DPP6: variants seen among roughly 807,000 people sequenced by gnomAD.
The protein encoded by DPP6 is A-type potassium channel modulatory protein DPP6.
In DPP6, 69 loss-of-function variants were observed where a neutral mutation model predicts 122.6. The ratio of observed to expected loss-of-function variants is 0.56; its 90% CI spans 0.46 to 0.69. The LOEUF (loss-of-function observed/expected upper bound fraction) is 0.69, where lower values mean the gene tolerates loss of function less well. Among genes scored for constraint, DPP6 ranks in the 30% least tolerant of loss-of-function variants. DPP6 has a pLI of 0.00. For synonymous variants in DPP6, 418 were observed against 433.1 expected, an observed-to-expected ratio of 0.97 and a Z score of 0.43; for missense variants, 928 against 1,116.9, an observed-to-expected ratio of 0.83 and a Z score of 2.41.
At chr7:153,880,896 C>G in the DPP6 span, among the ~76,000 whole-genome samples, 2 of 152,160 alleles carry the variant, frequency 1.3e-5, no homozygotes, top group African/African-American at 4.8e-5. Context: ...TTCTTTCACT[C>G]TTAGTCTACT....
intron 1 of DPP6, among the ~76,000 whole-genome samples, chr7:154,130,479 GGAA>G (rs1402703323): frequency 6.6e-6 from 1 of 152,152 alleles, no homozygotes; most frequent in Non-Finnish European, 1.5e-5. Flanking sequence ...CACTTAACTT[GGAA>G]GAAGGTCAAA....
chr7:154,180,505 A>T (rs1284117038), intron 1 of DPP6, among the ~76,000 whole-genome samples: 2 of 142,924 alleles, frequency 1.4e-5, no homozygotes, highest in African/African-American at 5.4e-5. Context: ...TAGATATATA[A>T]ATAAATATAT....
intron 1 of DPP6, among the ~76,000 whole-genome samples, chr7:154,292,066 C>T (rs958451473): frequency 2.6e-5 from 4 of 152,010 alleles, no homozygotes; most frequent in Non-Finnish European, 4.4e-5. Context: ...TCCTGGATCT[C>T]GTCAATTTAG....
At chr7:154,350,378 G>A (rs1412681162) in intron 1 of DPP6, among the ~76,000 whole-genome samples, 1 of 152,142 alleles carries the variant, frequency 6.6e-6, no homozygotes, top group Non-Finnish European at 1.5e-5. Context: ...GTGATGCAGT[G>A]GAATCCACAG....
chr7:154,188,245 G>T (rs138392480), intron 1 of DPP6, among the ~76,000 whole-genome samples: 298 of 152,112 alleles, frequency 2.0e-3, no homozygotes, highest in Non-Finnish European at 3.0e-3. Flanking sequence ...AATTAAATGG[G>T]ATATTTTTAT....
the DPP6 span, among the ~76,000 whole-genome samples, chr7:153,780,668 C>T: frequency 3.3e-5 from 5 of 152,114 alleles, no homozygotes; most frequent in East Asian, 9.7e-4. Flanking sequence ...AGTAAATAAC[C>T]CTGAGCATAT....
In DPP6 at chr7:154,260,458, C is replaced by A. The variant is rs150935254; in HGVS notation, c.244-185756C>A. 5.9e-3 allele frequency among the ~76,000 whole-genome samples: 898 copies of A among 152,032 alleles called. 15 individuals are homozygous for A. The highest frequency in any genetic ancestry group is 0.02 in the African/African-American group (818 of 41,436). ...TCCTCACCCCTTTCCACTCTTTCCTCCTGAGTCCCCAAAGTCCGTTGTGCC... is the reference window on the plus strand; with the variant it reads ...TCCTCACCCCTTTCCACTCTTTCCTACTGAGTCCCCAAAGTCCGTTGTGCC... On this transcript the variant is annotated intron_variant, in intron 1 of 25. Coordinates refer to ENST00000377770, the MANE Select transcript of DPP6 (RefSeq NM_130797.4).
At chr7:154,101,034 C>T (rs1365951615) in intron 1 of DPP6, among the ~76,000 whole-genome samples, 1 of 127,412 alleles carries the variant, frequency 7.8e-6, no homozygotes, top group East Asian at 2.8e-4. Flanking sequence ...CCTGTGTTTA[C>T]CTCTTCGGCC....
At chr7:154,181,273 G>T (rs112133094) in intron 1 of DPP6, among the ~76,000 whole-genome samples, 4 of 152,234 alleles carry the variant, frequency 2.6e-5, no homozygotes, top group Non-Finnish European at 4.4e-5. Context: ...TTTTCCACTC[G>T]TAGAAACTGT....
intron 1 of DPP6, among the ~76,000 whole-genome samples, chr7:154,075,002 T>C (rs1192659997): frequency 1.3e-5 from 2 of 150,622 alleles, no homozygotes; most frequent in South Asian, 2.1e-4. Flanking sequence ...AGGACATGAA[T>C]AGAAAATTTT....
intron 1 of DPP6, among the ~76,000 whole-genome samples, chr7:154,417,463 G>C (rs750995885): frequency 1.3e-4 from 20 of 152,094 alleles, no homozygotes; most frequent in Non-Finnish European, 2.4e-4. Context: ...GGCCATTCCC[G>C]TAAGCCCCAG....
rs34454400 is a variant in DPP6 at position 154,241,185 on chromosome 7, A to ATGCATGTGTGTGTG, written c.243+188124_243+188125insCATGTGTGTGTGTG. On this transcript the variant is annotated intron_variant, in intron 1 of 25. Coordinates refer to ENST00000377770, the MANE Select transcript of DPP6 (RefSeq NM_130797.4). This position sits in a 1 kb window ranked among gnomAD's most constrained non-coding sequence, Gnocchi z 9.0. ...GCACAGTAGGTAATTCAATATCAAT[A>ATGCATGTGTGTGTG]TGTGTGTGTGTGTGTGTGTGTGTGT... Among the ~76,000 whole-genome samples, 1 of 136,212 alleles carries ATGCATGTGTGTGTG rather than the reference A, an allele frequency of 7.3e-6. No individual in the cohort carries two copies. Among genetic ancestry groups the ATGCATGTGTGTGTG allele is most frequent in the African/African-American group, 2.8e-5 (1 of 35,690 alleles). The allele number at this position is 136,212 out of a possible 152,430, so 89.4% of individuals were successfully genotyped here.
chr7:154,322,103 C>T lies in DPP6; in HGVS notation c.244-124111C>T, dbSNP rs76294430. Among the ~76,000 whole-genome samples, 4 of 151,574 alleles carry T rather than the reference C, an allele frequency of 2.6e-5. No individual in the cohort carries two copies. The East Asian group carries it at 7.9e-4, about 30-fold the overall frequency. On this transcript the variant is annotated intron_variant, in intron 1 of 25. Coordinates refer to ENST00000377770, the MANE Select transcript of DPP6 (RefSeq NM_130797.4). ...AGAAGAGCAGACCCTCACCCTCCCC[C>T]ACCTCCTCAGCCCAGCCTGGAAAGG...
chr7:154,859,617 C>T (rs1459033641), intron 17 of DPP6, among the ~76,000 whole-genome samples: 1 of 152,204 alleles, frequency 6.6e-6, no homozygotes, highest in Admixed American at 6.5e-5. Context: ...ATCTTATCTA[C>T]AAACAGAGCC....
intron 5 of DPP6, among the ~76,000 whole-genome samples, chr7:154,611,711 T>G (rs1293132469): frequency 6.6e-6 from 1 of 152,206 alleles, no homozygotes; most frequent in East Asian, 1.9e-4. Flanking sequence ...ACATGCAATT[T>G]TAAGAAATAA....
intron 1 of DPP6, among the ~76,000 whole-genome samples, chr7:154,318,663 C>T (rs902338521): frequency 5.9e-5 from 9 of 152,172 alleles, no homozygotes; most frequent in Non-Finnish European, 8.8e-5. Flanking sequence ...AAGTTGTACC[C>T]GTAAGTTTGG....
rs563619116 is a variant in DPP6, at chr7:154,269,232, A to G, written c.244-176982A>G. ...AAGATCAAAGAATTGAATCATGGCTAAAACCACACAACTGGTAAGTGGAAA... is the reference window on the plus strand; with the variant it reads ...AAGATCAAAGAATTGAATCATGGCTGAAACCACACAACTGGTAAGTGGAAA... On this transcript the variant is annotated intron_variant, in intron 1 of 25. Transcript: ENST00000377770. 1.2e-4 allele frequency among the ~76,000 whole-genome samples: 18 copies of G among 152,304 alleles called. No individual in the cohort carries two copies. In the South Asian group the frequency reaches 3.5e-3, roughly 30 times the overall value.
intron 21 of DPP6, chr7:154,884,772 TAC>T (rs1386692607): frequency 1.3e-5 from 2 of 150,434 alleles, no homozygotes; most frequent in Non-Finnish European, 3.0e-5. Context: ...CACACAGGCA[TAC>T]ACACATGCTC....
chr7:154,779,041 CACAACT>C (rs1209934823), intron 10 of DPP6, among the ~76,000 whole-genome samples: 9 of 151,736 alleles, frequency 5.9e-5, no homozygotes, highest in Admixed American at 6.6e-5. Context: ...CCACCACCAC[CACAACT>C]ACCCCCACCA....
Sources: allele counts gnomAD v4.1 joint callset (sites outside exome capture counted in the v4.1 genomes callset), GRCh38; gene constraint gnomAD v4.1.1; non-coding constraint Gnocchi (gnomAD v3.1); transcripts MANE v1.5; gene names NCBI Gene and HGNC (gene_info 2026-07-23, HGNC 2026-07-21).